GP5: variants seen among roughly 807,000 people sequenced by gnomAD.
The protein encoded by GP5 is glycoprotein V platelet.
For missense variants in GP5, 755 were observed against 737.1 expected (o/e 1.02, Z -0.28); for synonymous variants, 382 against 353.9 (o/e 1.08, Z -0.89).
Position 194,398,217 on chromosome 3 carries a change from C to A in GP5, c.66G>T (p.Pro22=), listed in dbSNP as rs202032002. 6.2e-7 allele frequency: 1 copy of A among 1,612,258 alleles called. No homozygotes were observed. The highest frequency in any genetic ancestry group is 8.5e-7 in the Non-Finnish European group (1 of 1,179,412). Residue 22 remains proline (P), a synonymous_variant, in exon 2 of 2, where the codon CCG becomes CCT. Transcript: ENST00000692618. ...GLLRAQPFPC[P]PACKCVFRDA... ...CCCGGAAGACACACTTGCAAGCTGG[C>A]GGACAGGGGAAGGGCTGGGCGCGCA...
At position 194,396,892 on chromosome 3, in the gene GP5, G is replaced by T; in HGVS notation, c.1391C>A (p.Ala464Asp). 1 of 1,534,326 alleles carries T rather than the reference G, an allele frequency of 6.5e-7. No homozygotes were observed. Among genetic ancestry groups the T allele is most frequent in the South Asian group, 1.2e-5 (1 of 80,954 alleles). The change falls in exon 2 of 2, where the codon GCC becomes GAC. Residue 464 changes from alanine to aspartate, a missense_variant. Transcript: ENST00000692618. ...PGAHAGLPLW[A>D]LPGGDAECPG... ...GCACTCCGCGTCACCCCCCGGCAGG[G>T]CCCAGAGCGGCAGGCCGGCGTGCGC... is the stretch of plus-strand genomic sequence containing the variant.
Position 194,396,790 on chromosome 3 carries a change from G to C in GP5, c.1493C>G (p.Pro498Arg), listed in dbSNP as rs753195251. Residue 498 changes from proline to arginine, a missense_variant, in exon 2 of 2, where the codon CCC (proline) becomes CGC (arginine). Physicochemically the swap from Pro to Arg is moderately radical, Grantham distance 103. Coordinates refer to ENST00000692618, the MANE Select transcript of GP5 (RefSeq NM_004488.2). Reference protein sequence around the residue: ...SEAPVHPALAPNSSEPWVWAQ... With the variant: ...SEAPVHPALARNSSEPWVWAQ... The stretch of plus-strand genomic sequence containing the variant: ...CCACACCCAGGGTTCTGAGCTGTTG[G>C]GAGCCAAGGCTGGGTGGACAGGGGC... The C allele has an allele frequency of 6.8e-6, 11 of 1,612,958 alleles. No homozygotes were observed. The highest frequency in any genetic ancestry group is 8.5e-6 in the Non-Finnish European group (10 of 1,179,428).
In GP5 at chr3:194,395,794, G is replaced by A. The variant is rs78603771; in HGVS notation, c.*806C>T. ...AATCCCAGCACTTTGGGAGGCCAAG[G>A]CGGGCAGATCACTTGTGGCCAGGAG... is the stretch of plus-strand genomic sequence containing the variant. On this transcript the variant is annotated 3_prime_UTR_variant, in exon 2 of 2. Transcript: ENST00000692618. The A allele has an allele frequency of 6.6e-6, 1 of 152,408 alleles. No individual in the cohort carries two copies. The highest frequency in any genetic ancestry group is 1.5e-5 in the Non-Finnish European group (1 of 68,184). The allele number at this position is 152,408 out of a possible 1,614,324, so 9.4% of individuals were successfully genotyped here.
chr3:194,397,384 G>T lies in GP5; in HGVS notation c.899C>A (p.Thr300Asn). 6.2e-7 allele frequency: 1 copy of T among 1,611,144 alleles called. No individual in the cohort carries two copies. The highest frequency in any genetic ancestry group is 8.5e-7 in the Non-Finnish European group (1 of 1,179,704). ...GGLQELWLNR[T>N]QLRTLPAAAF... Reference sequence around the variant, plus strand: ...GGCGGCGGGCAGGGTGCGCAGCTGGGTGCGGTTCAGCCACAGCTCCTGCAG... The same window carrying T: ...GGCGGCGGGCAGGGTGCGCAGCTGGTTGCGGTTCAGCCACAGCTCCTGCAG... The change falls in exon 2 of 2, where the codon ACC becomes AAC. Residue 300 changes from threonine to asparagine, a missense_variant. Thr to Asn is a moderately conservative substitution (Grantham distance 65). Coordinates refer to ENST00000692618, the MANE Select transcript of GP5 (RefSeq NM_004488.2). The surrounding 1 kb of genome is among the most constrained non-coding windows in gnomAD (Gnocchi z 7.2).
chr3:194,397,928 C>T lies in GP5; in HGVS notation c.355G>A (p.Asp119Asn), dbSNP rs894949889. 2.5e-6 allele frequency: 4 copies of T among 1,614,114 alleles called. No individual in the cohort carries two copies. The African/African-American group carries it at 5.3e-5, about 22-fold the overall frequency. Residue 119 changes from aspartate (D) to asparagine (N), a missense_variant, in exon 2 of 2, where the codon GAT (aspartate) becomes AAT (asparagine). Transcript: ENST00000692618. The surrounding 1 kb of genome is among the most constrained non-coding windows in gnomAD (Gnocchi z 7.2). ...KITHLPGALL[D>N]KMVLLEQLFL... ...AACTGCTCCAGGAGCACCATCTTAT[C>T]CAGCAGCGCACCTGGAAGATGCGTG...
rs568045079 is a variant in GP5, at chr3:194,398,268, A to C, written c.15T>G (p.Thr5=). 1 of 1,603,154 alleles carries C rather than the reference A, an allele frequency of 6.2e-7. No homozygotes were observed. The highest frequency in any genetic ancestry group is 1.1e-5 in the South Asian group (1 of 90,138). MLRG[T]LLCAVLGLLR... is the part of the protein sequence containing the mutation. ...GAAGCCCGAGCACCGCGCACAGTAG[A>C]GTCCCCCTCAGCATGTCTGAAAAAG... The change falls in exon 2 of 2, where the codon ACT becomes ACG. Residue 5 remains threonine, a synonymous_variant. Coordinates refer to ENST00000692618, the MANE Select transcript of GP5 (RefSeq NM_004488.2).
chr3:194,396,946 TC>T lies in GP5; in HGVS notation c.1336del (p.Glu446LysfsTer65). On this transcript the variant is annotated frameshift_variant, in exon 2 of 2. Coordinates refer to ENST00000692618, the MANE Select transcript of GP5 (RefSeq NM_004488.2). LOFTEE classifies it low-confidence loss of function (END_TRUNC). Reference protein sequence around the residue: ...LRQHLGLVGGEEPPRCAGPGA... With the variant: ...LRQHLGLVGGXEPPRCAGPGA... ...AGGGCCTGCGCACCGTGGGGGCTCT[TC>T]CCCGCCCACGAGGCCTAGGTGCTGC... The T allele has an allele frequency of 6.5e-7, 1 of 1,542,164 alleles. No homozygotes were observed. The highest frequency in any genetic ancestry group is 2.4e-5 in the East Asian group (1 of 41,096).
chr3:194,397,333 C>A lies in GP5; in HGVS notation c.950G>T (p.Arg317Leu), dbSNP rs972287811. The change falls in exon 2 of 2, where the codon CGG becomes CTG. Residue 317 changes from arginine to leucine, a missense_variant. Physicochemically the swap from Arg to Leu is moderately radical, Grantham distance 102. Transcript: ENST00000692618. This position sits in a 1 kb window ranked among gnomAD's most constrained non-coding sequence, Gnocchi z 7.2. The part of the protein sequence containing the change: ...AAAFRNLSRL[R>L]YLGVTLSPRL... ...CGGGCTCAGAGTCACCCCTAAGTAC[C>A]GCAGGCGGCTCAGGTTGCGGAAGGC... 20 of 1,598,384 alleles carry A rather than the reference C, an allele frequency of 1.3e-5. No homozygotes were observed. Among genetic ancestry groups the A allele is most frequent in the Admixed American group, 3.4e-5 (2 of 59,606 alleles).
Position 194,394,998 on chromosome 3 carries a change from T to A in GP5, c.*1602A>T, listed in dbSNP as rs1344153566. 1.3e-5 allele frequency: 2 copies of A among 152,282 alleles called. No homozygotes were observed. The highest frequency in any genetic ancestry group is 4.8e-5 in the African/African-American group (2 of 41,474). The allele number at this position is 152,282 out of a possible 1,614,324, so 9.4% of individuals were successfully genotyped here. ...TCTTTAGAAATCATGATGCCAATAA[T>A]AATTGCTCATCCTTTAGTAATAATA... On this transcript the variant is annotated 3_prime_UTR_variant, in exon 2 of 2. Transcript: ENST00000692618.
rs147926792 is a variant in GP5 at position 194,397,841 on chromosome 3, G to C, written c.442C>G (p.Leu148Val). 6.2e-7 allele frequency: 1 copy of C among 1,613,996 alleles called. No homozygotes were observed. Among genetic ancestry groups the C allele is most frequent in the Non-Finnish European group, 8.5e-7 (1 of 1,179,988 alleles). Reference protein sequence around the residue: ...DQNMFQKLVNLQELALNQNQL... With the variant: ...DQNMFQKLVNVQELALNQNQL... ...TTCTGGTTCAGAGCGAGCTCCTGCA[G>C]GTTAACCAGTTTCTGAAACATGTTT... The change falls in exon 2 of 2, where the codon CTG (leucine) becomes GTG (valine). Residue 148 changes from leucine to valine, a missense_variant. Physicochemically the swap from Leu to Val is conservative, Grantham distance 32. Coordinates refer to ENST00000692618, the MANE Select transcript of GP5 (RefSeq NM_004488.2). This position sits in a 1 kb window ranked among gnomAD's most constrained non-coding sequence, Gnocchi z 7.2.
In GP5 at chr3:194,397,840, A is replaced by AG. The variant is rs759111164; in HGVS notation, c.442dup (p.Leu148ProfsTer48). 3.1e-6 allele frequency: 5 copies of AG among 1,614,062 alleles called. No individual in the cohort carries two copies. In the Admixed American group the frequency reaches 8.3e-5, roughly 27 times the overall value. On this transcript the variant is annotated frameshift_variant, in exon 2 of 2. Transcript: ENST00000692618. LOFTEE classifies it low-confidence loss of function (END_TRUNC). The surrounding 1 kb of genome is among the most constrained non-coding windows in gnomAD (Gnocchi z 7.2). ...ATTCTGGTTCAGAGCGAGCTCCTGC[A>AG]GGTTAACCAGTTTCTGAAACATGTT...
In GP5 at chr3:194,396,859, G is replaced by C. The variant is rs765840057; in HGVS notation, c.1424C>G (p.Pro475Arg). ...AGCGGGGCGGGGAGGCGGGCCCCGG[G>C]GGCCCGGGCACTCCGCGTCACCCCC... ...LPGGDAECPG[P>R]RGPPPRPAAD... is the part of the protein sequence containing the mutation. The change falls in exon 2 of 2, where the codon CCC becomes CGC. Residue 475 changes from proline (P) to arginine (R), a missense_variant. By Grantham distance (103) the Pro-to-Arg change is moderately radical (BLOSUM62 -2). Transcript: ENST00000692618. 2 of 1,542,958 alleles carry C rather than the reference G, an allele frequency of 1.3e-6. No individual in the cohort carries two copies. The highest frequency in any genetic ancestry group is 1.7e-6 in the Non-Finnish European group (2 of 1,151,480).
Position 194,398,005 on chromosome 3 carries a change from G to A in GP5, c.278C>T (p.Thr93Ile). 1 of 1,614,134 alleles carries A rather than the reference G, an allele frequency of 6.2e-7. No individual in the cohort carries two copies. Among genetic ancestry groups the A allele is most frequent in the East Asian group, 2.2e-5 (1 of 44,888 alleles). ...DSHISAVAPG[T>I]FSDLIKLKTL... ...TTTCAGTTTTATCAGGTCACTGAAG[G>A]TGCCGGGGGCAACGGCGGAAATGTG... Residue 93 changes from threonine to isoleucine, a missense_variant, in exon 2 of 2, where the codon ACC becomes ATC. Thr to Ile is a moderately conservative substitution (Grantham distance 89, BLOSUM62 -1). Coordinates refer to ENST00000692618, the MANE Select transcript of GP5 (RefSeq NM_004488.2).
In GP5 at chr3:194,395,170, A is replaced by G. The variant is rs1303167832; in HGVS notation, c.*1430T>C. ...CAGGAAACCAAGGCTTAGAGAATGT[A>G]AGCAGGTGTCTTACCCAAAGTCCCA... On this transcript the variant is annotated 3_prime_UTR_variant, in exon 2 of 2. Transcript: ENST00000692618. The G allele has an allele frequency of 6.6e-6, 1 of 152,246 alleles. No homozygotes were observed. The highest frequency in any genetic ancestry group is 2.1e-4 in the South Asian group (1 of 4,838). 9.4% of individuals were successfully genotyped at this position (152,246 alleles called of 1,614,324 possible).
rs1714455551 is a variant in GP5, at chr3:194,396,493, A to AGAAGAGGAAGAAGG, written c.*106_*107insCCTTCTTCCTCTTC. 1 of 797,524 alleles carries AGAAGAGGAAGAAGG rather than the reference A, an allele frequency of 1.3e-6. No individual in the cohort carries two copies. Among genetic ancestry groups the AGAAGAGGAAGAAGG allele is most frequent in the African/African-American group, 1.7e-5 (1 of 57,400 alleles). The allele number at this position is 797,524 out of a possible 1,614,324, so 49.4% of individuals were successfully genotyped here. ...GGCAGTGAGAGAGAAGAGGAAGAAG[A>AGAAGAGGAAGAAGG]GAGGAGGAGTGGGGAGGGGAGGGAG... is the stretch of plus-strand genomic sequence containing the variant. On this transcript the variant is annotated 3_prime_UTR_variant, in exon 2 of 2. Coordinates refer to ENST00000692618, the MANE Select transcript of GP5 (RefSeq NM_004488.2).
rs149317860 is a variant in GP5, at chr3:194,398,034, G to A, written c.249C>T (p.Asp83=). The stretch of plus-strand genomic sequence containing the variant: ...CGGGGGCAACGGCGGAAATGTGGCT[G>A]TCGGAGATCATGAGGCGCTGCAGGA... ...MTVLQRLMIS[D]SHISAVAPGT... Residue 83 remains aspartate (D), a synonymous_variant, in exon 2 of 2, where the codon GAC becomes GAT. Coordinates refer to ENST00000692618, the MANE Select transcript of GP5 (RefSeq NM_004488.2). 5.9e-4 allele frequency: 946 copies of A among 1,614,120 alleles called. No homozygotes were observed. The highest frequency in any genetic ancestry group is 1.8e-3 in the Middle Eastern group (11 of 6,042).
rs769240414 is a variant in GP5, at chr3:194,397,972, C to T, written c.311G>A (p.Arg104Lys). The change falls in exon 2 of 2, where the codon AGG becomes AAG. Residue 104 changes from arginine (R) to lysine (K), a missense_variant. Coordinates refer to ENST00000692618, the MANE Select transcript of GP5 (RefSeq NM_004488.2). This position sits in a 1 kb window ranked among gnomAD's most constrained non-coding sequence, Gnocchi z 7.2. Reference sequence around the variant, plus strand: ...ATGCGTGATTTTGTTGCGCGACAGCCTCAGGGTTTTCAGTTTTATCAGGTC... The same window carrying T: ...ATGCGTGATTTTGTTGCGCGACAGCTTCAGGGTTTTCAGTTTTATCAGGTC... ...FSDLIKLKTL[R>K]LSRNKITHLP... 6.2e-7 allele frequency: 1 copy of T among 1,614,214 alleles called. No individual in the cohort carries two copies. The highest frequency in any genetic ancestry group is 8.5e-7 in the Non-Finnish European group (1 of 1,180,040).
In GP5 at chr3:194,397,442, G is replaced by GCTCTGCCAGCGGGTT; in HGVS notation, c.826_840dup (p.Asn276_Glu280dup). The GCTCTGCCAGCGGGTT allele has an allele frequency of 1.2e-6, 2 of 1,613,536 alleles. No individual in the cohort carries two copies. The highest frequency in any genetic ancestry group is 4.5e-5 in the East Asian group (2 of 44,854). On this transcript the variant is annotated inframe_insertion, in exon 2 of 2. Transcript: ENST00000692618. The surrounding 1 kb of genome is among the most constrained non-coding windows in gnomAD (Gnocchi z 7.2). Reference sequence around the variant, plus strand: ...ATCTCCCCGAAGAGCACCCCCGGGAGCTCTGCCAGCGGGTTCTCGAACAGA... The same window carrying GCTCTGCCAGCGGGTT: ...ATCTCCCCGAAGAGCACCCCCGGGAGCTCTGCCAGCGGGTTCTCTGCCAGCGGGTTCTCGAACAGA...
Position 194,398,303 on chromosome 3 carries a change from G to T in GP5, c.-2-19C>A. On this transcript the variant is annotated intron_variant, in intron 1 of 1. Coordinates refer to ENST00000692618, the MANE Select transcript of GP5 (RefSeq NM_004488.2). The stretch of plus-strand genomic sequence containing the variant: ...AGCATGTCTGAAAAAGCAACCGTGG[G>T]AGTGTGGTCAACACACAGGAGCGTT... The T allele has an allele frequency of 6.4e-7, 1 of 1,565,516 alleles. No homozygotes were observed. The highest frequency in any genetic ancestry group is 8.7e-7 in the Non-Finnish European group (1 of 1,153,526).
Sources: gnomAD v4.1 joint callset for allele counts on GRCh38, gnomAD v4.1.1 for gene constraint, Gnocchi (gnomAD v3.1) non-coding constraint, MANE v1.5 for transcripts, NCBI Gene and HGNC (gene_info 2026-07-23, HGNC 2026-07-21) for gene names.